The following CLVS1 variants were observed in gnomAD, a reference collection of about 807,000 sequenced individuals.
CLVS1 encodes clavesin 1.
Under a neutral mutation model 33.1 loss-of-function variants are expected in CLVS1, and 10 were observed. The ratio of observed to expected loss-of-function variants is 0.30; its 90% CI spans 0.19 to 0.51. The LOEUF is 0.51. Ranked by LOEUF, CLVS1 falls within the 20% of genes least tolerant of loss-of-function variation. The probability of loss-of-function intolerance (pLI) is 0.97; values close to 1 mark genes in which losing one functional copy is unlikely to be tolerated. For missense variants in CLVS1, 343 were observed against 433.4 expected, an observed-to-expected ratio of 0.79 and a Z score of 1.85; for synonymous variants, 163 against 166.1, an observed-to-expected ratio of 0.98 and a Z score of 0.14.
At chr8:61,361,427 T>G (rs187620029) in intron 2 of CLVS1, among the ~76,000 whole-genome samples, 128 of 152,342 alleles carry the variant, frequency 8.4e-4, no homozygotes, top group Middle Eastern at 3.4e-3. Flanking sequence ...AATCCCAAGA[T>G]GCTAGGTTGT....
chr8:61,272,747 T>A (rs914686000), intron 2 of CLVS1, among the ~76,000 whole-genome samples: 1 of 152,244 alleles, frequency 6.6e-6, no homozygotes, highest in African/African-American at 2.4e-5. Flanking sequence ...ATTCATTTCA[T>A]CTTCCATCAC....
the CLVS1 span, among the ~76,000 whole-genome samples, chr8:61,015,064 C>T: frequency 1.3e-5 from 2 of 152,150 alleles, no homozygotes; most frequent in African/African-American, 4.8e-5. Context: ...AGGCTGAGAC[C>T]CAAGGTCTTT....
chr8:61,476,100 T>C (rs1384672511), intron 5 of CLVS1, among the ~76,000 whole-genome samples: 1 of 152,246 alleles, frequency 6.6e-6, no homozygotes, highest in African/African-American at 2.4e-5. Context: ...AAAGATCAGA[T>C]AGTTGTAGAT....
intron 2 of CLVS1, among the ~76,000 whole-genome samples, chr8:61,317,412 AT>A (rs1216840551): frequency 6.6e-6 from 1 of 152,092 alleles, no homozygotes; most frequent in African/African-American, 2.4e-5. Flanking sequence ...GCTATTTCCA[AT>A]TTTTCACCAA....
At chr8:61,041,541 C>T in the CLVS1 span, among the ~76,000 whole-genome samples, 1 of 152,074 alleles carries the variant, frequency 6.6e-6, no homozygotes, top group East Asian at 1.9e-4. Context: ...AGATCTTTTA[C>T]CTCCTTGGTT....
intron 2 of CLVS1, among the ~76,000 whole-genome samples, chr8:61,318,024 A>G (rs1369148487): frequency 6.6e-6 from 1 of 152,158 alleles, no homozygotes; most frequent in Non-Finnish European, 1.5e-5. Flanking sequence ...AAGGGACTGT[A>G]GCTAGTAAAC....
intron 2 of CLVS1, among the ~76,000 whole-genome samples, chr8:61,361,335 T>G (rs902775555): frequency 6.6e-6 from 1 of 152,190 alleles, no homozygotes; most frequent in African/African-American, 2.4e-5. Flanking sequence ...TAGTAAAAAA[T>G]GAATGTGTCC....
chr8:61,336,797 G>C (rs1226998935), intron 2 of CLVS1, among the ~76,000 whole-genome samples: 1 of 152,158 alleles, frequency 6.6e-6, no homozygotes, highest in African/African-American at 2.4e-5. Flanking sequence ...TTTGACTAAG[G>C]TAGGTGGTGC....
chr8:61,046,032 C>T, the CLVS1 span, among the ~76,000 whole-genome samples: 3 of 151,804 alleles, frequency 2.0e-5, no homozygotes, highest in African/African-American at 7.3e-5. Context: ...GTTGCCATTG[C>T]TTTTGGTGTT....
At chr8:60,990,608 T>A in the CLVS1 span, among the ~76,000 whole-genome samples, 1 of 152,056 alleles carries the variant, frequency 6.6e-6, no homozygotes, top group Non-Finnish European at 1.5e-5. Flanking sequence ...AAGTAAAAAA[T>A]TTGAGAGAAT....
chr8:61,124,340 A>G (rs1275907210), intron 1 of CLVS1, among the ~76,000 whole-genome samples: 1 of 152,220 alleles, frequency 6.6e-6, no homozygotes, highest in Non-Finnish European at 1.5e-5. Flanking sequence ...TTGTTACTGA[A>G]CAAGATGAAT....
In CLVS1 at chr8:61,187,243, G is replaced by C. The variant is rs569325659; in HGVS notation, c.-152+55383G>C. On this transcript the variant is annotated intron_variant, in intron 2 of 2. Coordinates refer to the CLVS1 transcript ENST00000522621. ...AATTAATTATACAGGCAGACAAAAG[G>C]AAATAAAATTACCATTCATTTAAGC... 4.6e-5 allele frequency among the ~76,000 whole-genome samples: 7 copies of C among 152,032 alleles called. No homozygotes were observed. The East Asian group carries it at 1.4e-3, about 29-fold the overall frequency.
intron 3 of CLVS1, among the ~76,000 whole-genome samples, chr8:61,382,417 A>C (rs1813917528): frequency 6.6e-6 from 1 of 152,222 alleles, no homozygotes; most frequent in South Asian, 2.1e-4. Flanking sequence ...GCTTACAGTC[A>C]GTCTAGGGCC....
At chr8:61,403,725 G>A (rs1814862236) in intron 3 of CLVS1, among the ~76,000 whole-genome samples, 1 of 152,170 alleles carries the variant, frequency 6.6e-6, no homozygotes, top group Non-Finnish European at 1.5e-5. Flanking sequence ...GGGAGATCAG[G>A]AGTTCAGTTT....
intron 1 of CLVS1, among the ~76,000 whole-genome samples, chr8:61,295,324 A>G (rs1231833792): frequency 6.6e-6 from 1 of 152,196 alleles, no homozygotes; most frequent in African/African-American, 2.4e-5. Flanking sequence ...TCAATCCTTC[A>G]AAGAGAATGA....
intron 2 of CLVS1, among the ~76,000 whole-genome samples, chr8:61,320,719 G>A (rs1032549205): frequency 3.3e-5 from 5 of 152,132 alleles, no homozygotes; most frequent in Admixed American, 2.6e-4. Flanking sequence ...GTTCTCTAGG[G>A]CCTCTTTTAT....
At chr8:61,036,050 C>T in the CLVS1 span, among the ~76,000 whole-genome samples, 1 of 152,160 alleles carries the variant, frequency 6.6e-6, no homozygotes, top group Non-Finnish European at 1.5e-5. Context: ...ACCACGGCCT[C>T]CACCACAATC....
At chr8:61,308,393 T>A (rs1810707116) in intron 2 of CLVS1, among the ~76,000 whole-genome samples, 2 of 152,142 alleles carry the variant, frequency 1.3e-5, no homozygotes, top group South Asian at 4.2e-4. Context: ...GTTAGATGTT[T>A]CAAAATATCC....
At chr8:61,342,502 T>C (rs1048631509) in intron 2 of CLVS1, among the ~76,000 whole-genome samples, 4 of 152,252 alleles carry the variant, frequency 2.6e-5, no homozygotes, top group African/African-American at 9.6e-5. Context: ...TCGCACTATG[T>C]GTCCTTGGTT....
Sources: gnomAD v4.1 joint callset for allele counts (sites outside exome capture counted in the v4.1 genomes callset) on GRCh38, gnomAD v4.1.1 for gene constraint, MANE v1.5 for transcripts, NCBI Gene and HGNC (gene_info 2026-07-23, HGNC 2026-07-21) for gene names.